KCNIP4: variants seen among roughly 807,000 people sequenced by gnomAD.
The protein encoded by KCNIP4 is Kv channel-interacting protein 4.
A neutral mutation model predicts 34.0 loss-of-function variants in KCNIP4; 12 were observed. That is an observed-to-expected ratio of 0.35 (90% CI 0.23 to 0.57). The LOEUF is 0.57. KCNIP4 is among the 20% of genes least tolerant of loss of function. The pLI is 0.83. For missense variants in KCNIP4, 238 were observed against 311.7 expected (o/e 0.76, Z 1.78); for synonymous variants, 124 against 102.2 (o/e 1.21, Z -1.29).
chr4:21,567,234 T>C (rs1264940743), intron 1 of KCNIP4, among the ~76,000 whole-genome samples: 2 of 151,770 alleles, frequency 1.3e-5, no homozygotes, highest in Non-Finnish European at 2.9e-5. Flanking sequence ...TATGTGTAGA[T>C]CTATATATTA....
chr4:21,445,125 G>T (rs186733405), intron 1 of KCNIP4, among the ~76,000 whole-genome samples: 1,572 of 152,160 alleles, frequency 0.01, 28 homozygotes, highest in African/African-American at 0.036. Flanking sequence ...AAATAAAAGA[G>T]GATACAAACA....
At position 21,683,816 on chromosome 4, in the gene KCNIP4, C is replaced by T. The variant is rs187630577; in HGVS notation, c.61+264755G>A. ...CACAGATGAAGCTGGAGGTCATTAT[C>T]CTTAGCAAACTAACGCAGGAACAGA... On this transcript the variant is annotated intron_variant, in intron 1 of 8. Coordinates refer to ENST00000382152, the MANE Select transcript of KCNIP4 (RefSeq NM_025221.6). Among the ~76,000 whole-genome samples, 13 of 152,186 alleles carry T rather than the reference C, an allele frequency of 8.5e-5. No homozygotes were observed. In the East Asian group the frequency reaches 2.3e-3, roughly 27 times the overall value.
intron 1 of KCNIP4, among the ~76,000 whole-genome samples, chr4:21,110,160 T>C (rs1444755536): frequency 1.3e-5 from 2 of 152,190 alleles, no homozygotes; most frequent in Admixed American, 6.5e-5. Context: ...TGCACTTTTT[T>C]GAGGATTTTA....
intron 1 of KCNIP4, among the ~76,000 whole-genome samples, chr4:21,130,878 A>T (rs183792899): frequency 1.7e-4 from 26 of 152,366 alleles, no homozygotes; most frequent in Admixed American, 1.4e-3. Context: ...CAATATATCC[A>T]TCATAATTCA....
chr4:21,473,404 C>T (rs775589849), intron 1 of KCNIP4, among the ~76,000 whole-genome samples: 1 of 152,148 alleles, frequency 6.6e-6, no homozygotes, highest in Non-Finnish European at 1.5e-5. Context: ...ACAGCATAGG[C>T]TTTGTCCTTG....
At chr4:21,308,644 T>C (rs1712758139) in intron 1 of KCNIP4, among the ~76,000 whole-genome samples, 1 of 152,128 alleles carries the variant, frequency 6.6e-6, no homozygotes, top group African/African-American at 2.4e-5. Context: ...TAGTGACTTT[T>C]TAAAAGATTT....
At chr4:21,144,038 C>T (rs1423777467) in intron 1 of KCNIP4, among the ~76,000 whole-genome samples, 1 of 152,144 alleles carries the variant, frequency 6.6e-6, no homozygotes, top group Non-Finnish European at 1.5e-5. Context: ...GTCTCTGTGC[C>T]TTTAACTCCC....
chr4:20,920,991 A>G (rs1487616286), intron 1 of KCNIP4, among the ~76,000 whole-genome samples: 1 of 152,090 alleles, frequency 6.6e-6, no homozygotes. Context: ...CATCTCAAAA[A>G]CAAAAATAAA....
chr4:21,097,585 T>C (rs2109059895), intron 1 of KCNIP4, among the ~76,000 whole-genome samples: 1 of 152,246 alleles, frequency 6.6e-6, no homozygotes, highest in South Asian at 2.1e-4. Context: ...TGATCTGCGA[T>C]CAGTGATCTT....
chr4:21,350,351 T>C (rs1455277682), intron 1 of KCNIP4, among the ~76,000 whole-genome samples: 1 of 152,162 alleles, frequency 6.6e-6, no homozygotes, highest in Admixed American at 6.6e-5. Flanking sequence ...GTAATAAATC[T>C]GGGTGCCCTT....
chr4:20,801,269 A>T (rs1714189253), intron 3 of KCNIP4, among the ~76,000 whole-genome samples: 1 of 151,024 alleles, frequency 6.6e-6, no homozygotes, highest in South Asian at 2.1e-4. Context: ...TCCTAAAAGA[A>T]GTGCTTAAGG....
intron 1 of KCNIP4, among the ~76,000 whole-genome samples, chr4:21,346,080 T>TG (rs1461577641): frequency 7.9e-6 from 1 of 127,240 alleles, no homozygotes; most frequent in African/African-American, 2.9e-5. Flanking sequence ...ATATATATAT[T>TG]TAAGATATTT....
intron 1 of KCNIP4, among the ~76,000 whole-genome samples, chr4:21,268,511 G>T (rs1761954307): frequency 6.6e-6 from 1 of 152,098 alleles, no homozygotes. Context: ...AATTAACTTT[G>T]CAGACAGTGT....
chr4:21,273,588 C>A (rs1273746522), intron 1 of KCNIP4, among the ~76,000 whole-genome samples: 2 of 152,076 alleles, frequency 1.3e-5, no homozygotes, highest in East Asian at 3.9e-4. Context: ...ACTTTCCATA[C>A]CTTTATTCAT....
chr4:21,425,741 T>C (rs978732754), intron 1 of KCNIP4, among the ~76,000 whole-genome samples: 2 of 152,208 alleles, frequency 1.3e-5, no homozygotes, highest in Non-Finnish European at 2.9e-5. Context: ...TTCACTGTTG[T>C]ACTGCATGCT....
At chr4:21,516,334 T>C (rs185084024) in intron 1 of KCNIP4, among the ~76,000 whole-genome samples, 2 of 152,296 alleles carry the variant, frequency 1.3e-5, no homozygotes, top group African/African-American at 4.8e-5. Flanking sequence ...TATTGAGTCA[T>C]CTAAAATCTA....
chr4:21,529,483 T>C (rs1469939748), intron 1 of KCNIP4, among the ~76,000 whole-genome samples: 1 of 152,194 alleles, frequency 6.6e-6, no homozygotes, highest in Non-Finnish European at 1.5e-5. Flanking sequence ...GATAACAGGA[T>C]GAGTTGGAGC....
intron 1 of KCNIP4, among the ~76,000 whole-genome samples, chr4:21,711,438 C>T (rs1405302941): frequency 2.0e-5 from 3 of 151,970 alleles, no homozygotes; most frequent in African/African-American, 4.8e-5. Context: ...ACCAAGATCG[C>T]GCCACTGCAC....
intron 1 of KCNIP4, among the ~76,000 whole-genome samples, chr4:21,748,877 A>G (rs1716959149): frequency 6.6e-6 from 1 of 152,132 alleles, no homozygotes; most frequent in African/African-American, 2.4e-5. Context: ...GATGGCATTC[A>G]CCATCCAATT....
Sources: allele counts gnomAD v4.1 joint callset (sites outside exome capture counted in the v4.1 genomes callset), GRCh38; gene constraint gnomAD v4.1.1; transcripts MANE v1.5; gene names NCBI Gene and HGNC (gene_info 2026-07-23, HGNC 2026-07-21).